Variants in MKRN3 observed in about 807,000 individuals in gnomAD.
The protein encoded by MKRN3 is E3 ubiquitin-protein ligase makorin-3.
For synonymous variants in MKRN3, 301 were observed against 250.2 expected (o/e 1.20, Z -1.91); for missense variants, 749 against 667.0 (o/e 1.12, Z -1.35).
chr15:23,566,835 A>C lies in MKRN3; in HGVS notation c.1053A>C (p.Arg351Ser). ...GTATCCGCAGGTGGAGAAGTGCCAG[A>C]CAGTTTGAGAACAGGATCGTCAAGT... The part of the protein sequence containing the change: ...IRCIRRWRSA[R>S]QFENRIVKSC... The change falls in exon 1 of 1, where the codon AGA (arginine) becomes AGC (serine). Residue 351 changes from arginine (R) to serine (S), a missense_variant. Coordinates refer to ENST00000314520, the MANE Select transcript of MKRN3 (RefSeq NM_005664.4). The C allele has an allele frequency of 6.2e-7, 1 of 1,614,228 alleles. No individual in the cohort carries two copies. The highest frequency in any genetic ancestry group is 8.5e-7 in the Non-Finnish European group (1 of 1,180,040).
rs376338277 is a variant in MKRN3, at chr15:23,565,881, C to T, written c.99C>T (p.Pro33=). 37 of 1,613,754 alleles carry T rather than the reference C, an allele frequency of 2.3e-5. No individual in the cohort carries two copies. The highest frequency in any genetic ancestry group is 1.6e-4 in the African/African-American group (12 of 74,926). Residue 33 remains proline (P), a synonymous_variant, in exon 1 of 1, where the codon CCC becomes CCT. Coordinates refer to ENST00000314520, the MANE Select transcript of MKRN3 (RefSeq NM_005664.4). ...AREGVSGPDL[P]VCEPSGESAA... Reference sequence around the variant, plus strand: ...AGGGTGTGTCTGGGCCGGACCTTCCCGTCTGTGAGCCCTCCGGGGAATCTG... The same window carrying T: ...AGGGTGTGTCTGGGCCGGACCTTCCTGTCTGTGAGCCCTCCGGGGAATCTG...
chr15:23,567,285 A>G lies in MKRN3; in HGVS notation c.1503A>G (p.Glu501=). ...QWDLLHYELE[E]YFNLIL ...ACTTGCTTCATTATGAGCTGGAAGAATATTTCAATTTGATTCTGTAGCATC... is the reference window on the plus strand; with the variant it reads ...ACTTGCTTCATTATGAGCTGGAAGAGTATTTCAATTTGATTCTGTAGCATC... The change falls in exon 1 of 1, where the codon GAA becomes GAG. Residue 501 remains glutamate (E), a synonymous_variant. Transcript: ENST00000314520. The G allele has an allele frequency of 1.2e-6, 2 of 1,614,168 alleles. No individual in the cohort carries two copies. Among genetic ancestry groups the G allele is most frequent in the East Asian group, 4.5e-5 (2 of 44,874 alleles).
Position 23,566,026 on chromosome 15 carries a change from G to C in MKRN3, c.244G>C (p.Ala82Pro). The change falls in exon 1 of 1, where the codon GCC becomes CCC. Residue 82 changes from alanine to proline, a missense_variant. Physicochemically the swap from Ala to Pro is conservative, Grantham distance 27. Coordinates refer to ENST00000314520, the MANE Select transcript of MKRN3 (RefSeq NM_005664.4). ...GCCTGCCCCAGCCTCAGGAGGAGGAGCCTGGCCCAGTCCGTTGCCAAGCCG... is the reference window on the plus strand; with the variant it reads ...GCCTGCCCCAGCCTCAGGAGGAGGACCCTGGCCCAGTCCGTTGCCAAGCCG... ...LRPAPASGGGAWPSPLPSRSS... is the reference protein window; with the variant it reads ...LRPAPASGGGPWPSPLPSRSS... 1 of 1,613,998 alleles carries C rather than the reference G, an allele frequency of 6.2e-7. No individual in the cohort carries two copies.
chr15:23,567,919 T>A lies in MKRN3; in HGVS notation c.*613T>A. ...TATTTAAGAATTATATATATAAAAA[T>A]ATATATGTATAAGAGTTATGTATTT... On this transcript the variant is annotated 3_prime_UTR_variant, in exon 1 of 1. Coordinates refer to ENST00000314520, the MANE Select transcript of MKRN3 (RefSeq NM_005664.4). 1 of 752,102 alleles carries A rather than the reference T, an allele frequency of 1.3e-6. No individual in the cohort carries two copies. Among genetic ancestry groups the A allele is most frequent in the Non-Finnish European group, 1.6e-6 (1 of 606,528 alleles). 46.6% of individuals were successfully genotyped at this position (752,102 alleles called of 1,614,324 possible).
At position 23,565,763 on chromosome 15, in the gene MKRN3, T is replaced by C; in HGVS notation, c.-20T>C. ...AATACCGGAGAGGTTCTGGCACCATTTCGGGGTGCCAAAGCAGCCATGGAA... is the reference window on the plus strand; with the variant it reads ...AATACCGGAGAGGTTCTGGCACCATCTCGGGGTGCCAAAGCAGCCATGGAA... On this transcript the variant is annotated 5_prime_UTR_variant, in exon 1 of 1. Transcript: ENST00000314520. The C allele has an allele frequency of 2.6e-6, 4 of 1,561,850 alleles. No individual in the cohort carries two copies. The highest frequency in any genetic ancestry group is 3.5e-6 in the Non-Finnish European group (4 of 1,150,004).
At position 23,567,563 on chromosome 15, in the gene MKRN3, G is replaced by C; in HGVS notation, c.*257G>C. ...TTTTTTGTCATCTCTGTTGTCAACA[G>C]GATTAACTCAGTTCTAGTGTAGTGT... On this transcript the variant is annotated 3_prime_UTR_variant, in exon 1 of 1. Transcript: ENST00000314520. The C allele has an allele frequency of 7.6e-7, 1 of 1,322,768 alleles. No individual in the cohort carries two copies. Among genetic ancestry groups the C allele is most frequent in the Non-Finnish European group, 9.7e-7 (1 of 1,028,304 alleles). The allele number at this position is 1,322,768 out of a possible 1,614,324, so 81.9% of individuals were successfully genotyped here.
chr15:23,565,765 C>A lies in MKRN3; in HGVS notation c.-18C>A. 1 of 1,563,440 alleles carries A rather than the reference C, an allele frequency of 6.4e-7. No homozygotes were observed. The highest frequency in any genetic ancestry group is 1.8e-5 in the Admixed American group (1 of 54,210). On this transcript the variant is annotated 5_prime_UTR_variant, in exon 1 of 1. Coordinates refer to ENST00000314520, the MANE Select transcript of MKRN3 (RefSeq NM_005664.4). The stretch of plus-strand genomic sequence containing the variant: ...TACCGGAGAGGTTCTGGCACCATTT[C>A]GGGGTGCCAAAGCAGCCATGGAAGA...
In MKRN3 at chr15:23,566,034, C is replaced by T. The variant is rs1183139048; in HGVS notation, c.252C>T (p.Pro84=). 1 of 1,614,032 alleles carries T rather than the reference C, an allele frequency of 6.2e-7. No individual in the cohort carries two copies. Among genetic ancestry groups the T allele is most frequent in the African/African-American group, 1.3e-5 (1 of 75,070 alleles). The change falls in exon 1 of 1, where the codon CCC becomes CCT. Residue 84 remains proline (P), a synonymous_variant. Coordinates refer to ENST00000314520, the MANE Select transcript of MKRN3 (RefSeq NM_005664.4). ...CAGCCTCAGGAGGAGGAGCCTGGCC[C>T]AGTCCGTTGCCAAGCCGAAGCAGCG... is the stretch of plus-strand genomic sequence containing the variant. ...PAPASGGGAW[P]SPLPSRSSGI...
At position 23,566,624 on chromosome 15, in the gene MKRN3, A is replaced by G. The variant is rs570480942; in HGVS notation, c.842A>G (p.Gln281Arg). Residue 281 changes from glutamine (Q) to arginine (R), a missense_variant, in exon 1 of 1, where the codon CAG becomes CGG. Transcript: ENST00000314520. ...ACCTTGCACCCCATGGATGCTGCCC[A>G]GAGGGAAGAACATATGAGGGCCTGC... ...LQTLHPMDAA[Q>R]REEHMRACIE... 3 of 1,614,232 alleles carry G rather than the reference A, an allele frequency of 1.9e-6. No homozygotes were observed. The East Asian group carries it at 6.7e-5, about 36-fold the overall frequency.
Position 23,566,601 on chromosome 15 carries a change from C to G in MKRN3, c.819C>G (p.Thr273=). The part of the protein sequence containing the change: ...GDICDMCGLQ[T]LHPMDAAQRE... Reference sequence around the variant, plus strand: ...TATGCGACATGTGTGGGCTGCAGACCTTGCACCCCATGGATGCTGCCCAGA... The same window carrying G: ...TATGCGACATGTGTGGGCTGCAGACGTTGCACCCCATGGATGCTGCCCAGA... The change falls in exon 1 of 1, where the codon ACC becomes ACG. Residue 273 remains threonine, a synonymous_variant. Transcript: ENST00000314520. 6.2e-7 allele frequency: 1 copy of G among 1,614,160 alleles called. No homozygotes were observed. Among genetic ancestry groups the G allele is most frequent in the Non-Finnish European group, 8.5e-7 (1 of 1,180,040 alleles).
At position 23,566,257 on chromosome 15, in the gene MKRN3, G is replaced by GC. The variant is rs763195944; in HGVS notation, c.482dup (p.Ala162GlyfsTer15). On this transcript the variant is annotated frameshift_variant, in exon 1 of 1. Coordinates refer to ENST00000314520, the MANE Select transcript of MKRN3 (RefSeq NM_005664.4). LOFTEE classifies it low-confidence loss of function (END_TRUNC). ...GCCCCCGACTCAGGAAGTGGCGGAA[G>GC]CCCCCCCGGCTGCATCCTCCCTTTC... 66 of 1,613,582 alleles carry GC rather than the reference G, an allele frequency of 4.1e-5. No homozygotes were observed. The highest frequency in any genetic ancestry group is 1.6e-4 in the Middle Eastern group (1 of 6,080).
chr15:23,566,925 G>A lies in MKRN3; in HGVS notation c.1143G>A (p.Glu381=), dbSNP rs758299500. ...VIPSEFWVEE[E]EEKQKLIQQY... is the part of the protein sequence containing the mutation. ...CCAGTGAGTTCTGGGTGGAGGAGGA[G>A]GAAGAGAAGCAGAAACTTATTCAGC... The change falls in exon 1 of 1, where the codon GAG becomes GAA. Residue 381 remains glutamate (E), a synonymous_variant. Coordinates refer to ENST00000314520, the MANE Select transcript of MKRN3 (RefSeq NM_005664.4). 5 of 1,614,216 alleles carry A rather than the reference G, an allele frequency of 3.1e-6. No individual in the cohort carries two copies. Among genetic ancestry groups the A allele is most frequent in the Non-Finnish European group, 4.2e-6 (5 of 1,180,042 alleles).
In MKRN3 at chr15:23,566,303, C is replaced by T; in HGVS notation, c.521C>T (p.Ala174Val). The part of the protein sequence containing the change: ...SSLSLPVIGS[A>V]AERGFFEAER... Reference sequence around the variant, plus strand: ...CTTTCCTTGCCTGTGATTGGCTCGGCTGCTGAAAGGGGTTTCTTTGAAGCC... The same window carrying T: ...CTTTCCTTGCCTGTGATTGGCTCGGTTGCTGAAAGGGGTTTCTTTGAAGCC... Residue 174 changes from alanine to valine, a missense_variant, in exon 1 of 1, where the codon GCT (alanine) becomes GTT (valine). Transcript: ENST00000314520. 1 of 1,614,022 alleles carries T rather than the reference C, an allele frequency of 6.2e-7. No individual in the cohort carries two copies. The highest frequency in any genetic ancestry group is 8.5e-7 in the Non-Finnish European group (1 of 1,180,034).
chr15:23,565,915 G>A lies in MKRN3; in HGVS notation c.133G>A (p.Asp45Asn). 6.2e-7 allele frequency: 1 copy of A among 1,613,850 alleles called. No individual in the cohort carries two copies. ...GCCCTCCGGGGAATCTGCTGCTCCA[G>A]ATTCAGCCCTGCCACATGCGGCAAG... is the stretch of plus-strand genomic sequence containing the variant. The part of the protein sequence containing the change: ...CEPSGESAAP[D>N]SALPHAARGW... Residue 45 changes from aspartate to asparagine, a missense_variant, in exon 1 of 1, where the codon GAT becomes AAT. Transcript: ENST00000314520.
Position 23,567,030 on chromosome 15 carries a change from C to G in MKRN3, c.1248C>G (p.Cys416Trp). The G allele has an allele frequency of 6.2e-7, 1 of 1,614,234 alleles. No homozygotes were observed. Among genetic ancestry groups the G allele is most frequent in the Non-Finnish European group, 8.5e-7 (1 of 1,180,038 alleles). The stretch of plus-strand genomic sequence containing the variant: ...GTAACTGCCCATTTGGAGACACATG[C>G]TTTTACAAGCATGAATACCCTGAGG... The part of the protein sequence containing the change: ...GRGNCPFGDT[C>W]FYKHEYPEGW... Residue 416 changes from cysteine to tryptophan, a missense_variant, in exon 1 of 1, where the codon TGC becomes TGG. Physicochemically the swap from Cys to Trp is radical, Grantham distance 215. Transcript: ENST00000314520.
rs755538894 is a variant in MKRN3 at position 23,566,424 on chromosome 15, C to T, written c.642C>T (p.Gly214=). 6.2e-7 allele frequency: 1 copy of T among 1,614,156 alleles called. No homozygotes were observed. ...IEFVPGQPYR[G]RWVASAPEAP... ...TTGTTCCAGGGCAGCCCTACCGGGGCCGCTGGGTTGCATCTGCCCCCGAGG... is the reference window on the plus strand; with the variant it reads ...TTGTTCCAGGGCAGCCCTACCGGGGTCGCTGGGTTGCATCTGCCCCCGAGG... Residue 214 remains glycine, a synonymous_variant, in exon 1 of 1, where the codon GGC becomes GGT. Transcript: ENST00000314520.
At position 23,566,516 on chromosome 15, in the gene MKRN3, A is replaced by G. The variant is rs1335838005; in HGVS notation, c.734A>G (p.Tyr245Cys). Residue 245 changes from tyrosine to cysteine, a missense_variant, in exon 1 of 1, where the codon TAT (tyrosine) becomes TGT (cysteine). Tyr to Cys is a radical substitution (Grantham distance 194). Transcript: ENST00000314520. ...MAVGSGLRFC[Y>C]YASRGVCFRG... ...GTGGGCAGTGGGTTGCGGTTTTGCTATTATGCTTCCAGGGGAGTTTGCTTT... is the reference window on the plus strand; with the variant it reads ...GTGGGCAGTGGGTTGCGGTTTTGCTGTTATGCTTCCAGGGGAGTTTGCTTT... 4 of 1,614,024 alleles carry G rather than the reference A, an allele frequency of 2.5e-6. No individual in the cohort carries two copies. The highest frequency in any genetic ancestry group is 2.7e-5 in the African/African-American group (2 of 74,916).
In MKRN3 at chr15:23,567,223, C is replaced by T. The variant is rs766264703; in HGVS notation, c.1441C>T (p.Leu481=). The change falls in exon 1 of 1, where the codon CTG becomes TTG. Residue 481 remains leucine, a synonymous_variant. Transcript: ENST00000314520. ...ASLLFKRFLS[L]RDELPFSEDQ... is the part of the protein sequence containing the mutation. ...TCTGTTGTTTAAGCGGTTTCTTTCA[C>T]TGAGAGATGAGTTACCCTTCTCTGA... 1.2e-6 allele frequency: 2 copies of T among 1,614,150 alleles called. No homozygotes were observed. Among genetic ancestry groups the T allele is most frequent in the South Asian group, 2.2e-5 (2 of 91,084 alleles).
Position 23,565,956 on chromosome 15 carries a change from C to T in MKRN3, c.174C>T (p.Phe58=), listed in dbSNP as rs1358919788. ...LPHAARGWAP[F]PVAPVPAHLR... is the part of the protein sequence containing the mutation. ...ATGCGGCAAGGGGCTGGGCCCCCTT[C>T]CCTGTAGCTCCAGTCCCTGCCCACC... is the stretch of plus-strand genomic sequence containing the variant. Residue 58 remains phenylalanine (F), a synonymous_variant, in exon 1 of 1, where the codon TTC becomes TTT. Coordinates refer to ENST00000314520, the MANE Select transcript of MKRN3 (RefSeq NM_005664.4). The T allele has an allele frequency of 1.2e-6, 2 of 1,613,796 alleles. No individual in the cohort carries two copies. Among genetic ancestry groups the T allele is most frequent in the East Asian group, 2.2e-5 (1 of 44,860 alleles).
Sources: allele counts gnomAD v4.1 joint callset, GRCh38; gene constraint gnomAD v4.1.1; transcripts MANE v1.5; gene names NCBI Gene and HGNC (gene_info 2026-07-23, HGNC 2026-07-21).